The following RSF1 variants were observed in gnomAD, a reference collection of about 807,000 sequenced individuals.
RSF1 encodes HBV pX-associated protein 8.
A neutral mutation model predicts 145.2 loss-of-function variants in RSF1; 13 were observed. That is an observed-to-expected ratio of 0.09 (90% CI 0.06 to 0.14). The LOEUF (loss-of-function observed/expected upper bound fraction) is 0.14, where lower values mean the gene tolerates loss of function less well. Among genes scored for constraint, RSF1 ranks in the 10% least tolerant of loss-of-function variants. The pLI, the probability that RSF1 is intolerant of heterozygous loss-of-function variation, is 1.00. For synonymous variants in RSF1, 577 were observed against 592.6 expected, an observed-to-expected ratio of 0.97 and a Z score of 0.38; for missense variants, 1,517 against 1,718.2, an observed-to-expected ratio of 0.88 and a Z score of 2.07.
the RSF1 span, among the ~76,000 whole-genome samples, chr11:77,849,034 GCTC>G: frequency 2.0e-5 from 3 of 149,566 alleles, no homozygotes; most frequent in South Asian, 2.1e-4. Context: ...CTAAAGTGGT[GCTC>G]CTTTTTTTTT....
intron 4 of RSF1, chr11:77,734,910 A>G: frequency 6.3e-7 from 1 of 1,582,258 alleles, no homozygotes; most frequent in Non-Finnish European, 8.6e-7. Flanking sequence ...CAAAGCAGTA[A>G]GACATGGACA....
intron 2 of RSF1, chr11:77,763,117 G>A: frequency 1.3e-5 from 2 of 152,268 alleles, no homozygotes; most frequent in Non-Finnish European, 2.9e-5. Flanking sequence ...GAGGTGGGCG[G>A]ATCACGAGGT....
chr11:77,847,907 C>T, the RSF1 span, among the ~76,000 whole-genome samples: 2 of 151,988 alleles, frequency 1.3e-5, no homozygotes, highest in Non-Finnish European at 2.9e-5. Context: ...AATCCCAGTC[C>T]AAGAGCAGAA....
chr11:77,794,914 T>G (rs148135955), intron 1 of RSF1, among the ~76,000 whole-genome samples: 1 of 152,332 alleles, frequency 6.6e-6, no homozygotes, highest in East Asian at 1.9e-4. Context: ...GAGGTCAAAC[T>G]TTCCCTCTCT....
intron 1 of RSF1, among the ~76,000 whole-genome samples, chr11:77,814,452 G>A (rs1050232606): frequency 9.2e-5 from 14 of 151,966 alleles, no homozygotes; most frequent in Non-Finnish European, 1.6e-4. Flanking sequence ...CTAACTCTGG[G>A]GGGGAAAAAA....
chr11:77,800,872 A>C (rs1473766847), intron 1 of RSF1, among the ~76,000 whole-genome samples: 2 of 152,036 alleles, frequency 1.3e-5, no homozygotes. Context: ...CAATTAGCTG[A>C]GTGTGATGGT....
At chr11:77,686,667 C>G (rs1960016398) in intron 9 of RSF1, among the ~76,000 whole-genome samples, 1 of 151,498 alleles carries the variant, frequency 6.6e-6, no homozygotes, top group Admixed American at 6.6e-5. Flanking sequence ...GGTTGTGATG[C>G]TATTAAAACT....
intron 1 of RSF1, among the ~76,000 whole-genome samples, chr11:77,772,456 A>G (rs1174519543): frequency 6.6e-6 from 1 of 152,124 alleles, no homozygotes; most frequent in Non-Finnish European, 1.5e-5. Context: ...TTACACATGT[A>G]AGCTACCACG....
chr11:77,731,264 T>A (rs1341611723), intron 4 of RSF1, among the ~76,000 whole-genome samples: 2 of 152,160 alleles, frequency 1.3e-5, no homozygotes, highest in Admixed American at 1.3e-4. Context: ...CCCTAGAGAT[T>A]TGTGGAACTT....
intron 5 of RSF1, among the ~76,000 whole-genome samples, chr11:77,713,761 T>C (rs138922843): frequency 9.5e-4 from 144 of 152,360 alleles, no homozygotes; most frequent in African/African-American, 3.2e-3. Flanking sequence ...CTTATGTTTG[T>C]TGACTCAGAT....
Position 77,788,142 on chromosome 11 carries a change from C to CAAAAAAAAAAAAAAAAAAAAAAAAAAAAA in RSF1, c.188-23482_188-23454dup, listed in dbSNP as rs66595170. ...GGGCAACCAGAGTGAGACACTATCTCAAAAAAAAAAAAAAAAAAAAAAAAA... is the reference window on the plus strand; with the variant it reads ...GGGCAACCAGAGTGAGACACTATCTCAAAAAAAAAAAAAAAAAAAAAAAAAAAAAAAAAAAAAAAAAAAAAAAAAAAAAA... On this transcript the variant is annotated intron_variant, in intron 1 of 15. Coordinates refer to ENST00000308488, the MANE Select transcript of RSF1 (RefSeq NM_016578.4). Among the ~76,000 whole-genome samples the CAAAAAAAAAAAAAAAAAAAAAAAAAAAAA allele has an allele frequency of 1.2e-3, 4 of 3,432 alleles. 2 individuals are homozygous for CAAAAAAAAAAAAAAAAAAAAAAAAAAAAA. The highest frequency in any genetic ancestry group is 0.083 in the South Asian group (2 of 24). The allele number at this position is 3,432 out of a possible 152,430, so 2.3% of individuals were successfully genotyped here. A position where few individuals can be genotyped will look rare whatever the true frequency, so the allele number is the denominator to read the frequency against.
chr11:77,797,920 G>A (rs975652295), intron 1 of RSF1, among the ~76,000 whole-genome samples: 4 of 152,164 alleles, frequency 2.6e-5, no homozygotes, highest in Admixed American at 2.6e-4. Context: ...CATCATCACT[G>A]GTCATTAGGC....
chr11:77,697,495 TAA>T (rs369281577), intron 7 of RSF1, among the ~76,000 whole-genome samples: 100 of 120,398 alleles, frequency 8.3e-4, no homozygotes, highest in African/African-American at 2.8e-3. Context: ...ATAATATATA[TAA>T]ATATATTATA....
At chr11:77,757,621 T>A (rs984394160) in intron 2 of RSF1, among the ~76,000 whole-genome samples, 20 of 151,898 alleles carry the variant, frequency 1.3e-4, no homozygotes, top group Admixed American at 1.3e-4. Flanking sequence ...GAGGTTGCAG[T>A]GAGCCAAGAC....
intron 1 of RSF1, among the ~76,000 whole-genome samples, chr11:77,770,409 C>A (rs1948270646): frequency 1.3e-5 from 2 of 152,198 alleles, no homozygotes; most frequent in Admixed American, 1.3e-4. Context: ...GAGCCCAGAT[C>A]GTGCCACTGC....
intron 9 of RSF1, among the ~76,000 whole-genome samples, chr11:77,690,417 A>G (rs1009708112): frequency 2.0e-5 from 3 of 152,152 alleles, no homozygotes; most frequent in African/African-American, 7.2e-5. Context: ...TTGGGCCAAT[A>G]TTTATTCAGA....
chr11:77,840,810 T>C, the RSF1 span, among the ~76,000 whole-genome samples: 1 of 152,232 alleles, frequency 6.6e-6, no homozygotes, highest in East Asian at 1.9e-4. Context: ...TAACATATTG[T>C]AGGACAGTGT....
At chr11:77,870,651 C>G in the RSF1 span, among the ~76,000 whole-genome samples, 2 of 151,820 alleles carry the variant, frequency 1.3e-5, no homozygotes, top group South Asian at 2.1e-4. Flanking sequence ...TTTTAATTTT[C>G]TTACAGAAAT....
At chr11:77,773,982 A>G (rs950731191) in intron 1 of RSF1, among the ~76,000 whole-genome samples, 2 of 152,246 alleles carry the variant, frequency 1.3e-5, no homozygotes, top group Non-Finnish European at 2.9e-5. Flanking sequence ...AATACAGAAC[A>G]CATGAACTAA....
Sources: allele counts gnomAD v4.1 joint callset (sites outside exome capture counted in the v4.1 genomes callset), GRCh38; gene constraint gnomAD v4.1.1; transcripts MANE v1.5; gene names NCBI Gene and HGNC (gene_info 2026-07-23, HGNC 2026-07-21).